ANAPC13: variants seen among roughly 807,000 people sequenced by gnomAD.
ANAPC13 encodes the protein anaphase-promoting complex subunit 13.
In ANAPC13, 9 loss-of-function variants were observed where a neutral mutation model predicts 9.6. That is an observed-to-expected ratio of 0.94 (90% CI 0.57 to 1.64). The LOEUF (loss-of-function observed/expected upper bound fraction) is 1.64. Among genes scored for constraint, ANAPC13 ranks in the 40% most tolerant of loss-of-function variants. ANAPC13 has a pLI of 0.00. For missense variants in ANAPC13, 75 were observed against 85.3 expected (o/e 0.88, Z 0.48); for synonymous variants, 30 against 29.7 (o/e 1.01, Z -0.03).
In ANAPC13 at chr3:134,485,948, T is replaced by A; in HGVS notation, c.-28+4A>T. On this transcript the variant is annotated splice_donor_region_variant and intron_variant, in intron 1 of 2. Coordinates refer to ENST00000354910, the MANE Select transcript of ANAPC13 (RefSeq NM_015391.4). ...CCTAGGCCGGGGGCGCTGGAAACCC[T>A]TACCGGCACCCGGCCACCGCGGCAG... 1.0e-6 allele frequency: 1 copy of A among 982,562 alleles called. No individual in the cohort carries two copies. The highest frequency in any genetic ancestry group is 1.2e-6 in the Non-Finnish European group (1 of 828,206). The allele number at this position is 982,562 out of a possible 1,614,324, so 60.9% of individuals were successfully genotyped here.
chr3:134,484,515 A>G (rs920502961), intron 1 of ANAPC13, among the ~76,000 whole-genome samples: 33 of 152,244 alleles, frequency 2.2e-4, no homozygotes, highest in Admixed American at 2.2e-3. Flanking sequence ...CACCCCCATG[A>G]CAAGGATCTC....
intron 2 of ANAPC13, among the ~76,000 whole-genome samples, 171 bp from the exon 3 acceptor site, chr3:134,478,886 T>C (rs1934670225): frequency 6.6e-6 from 1 of 152,216 alleles, no homozygotes; most frequent in Non-Finnish European, 1.5e-5. Flanking sequence ...GAAGTATCAT[T>C]CAAACATGGC....
In ANAPC13 at chr3:134,478,665, G is replaced by A. The variant is rs1385484660; in HGVS notation, c.150C>T (p.Val50=). The A allele has an allele frequency of 6.2e-7, 1 of 1,614,092 alleles. No individual in the cohort carries two copies. Among genetic ancestry groups the A allele is most frequent in the African/African-American group, 1.3e-5 (1 of 75,042 alleles). Residue 50 remains valine, a synonymous_variant, in exon 3 of 3, where the codon GTC becomes GTT. Coordinates refer to ENST00000354910, the MANE Select transcript of ANAPC13 (RefSeq NM_015391.4). ...EQDNGGTTES[V]KEQEMKWTDL... ...CTGTCCACTTCATTTCTTGTTCTTT[G>A]ACAGATTCTGTGGTGCCACCATTGT...
chr3:134,485,248 A>G (rs1935006528), intron 1 of ANAPC13: 2 of 152,256 alleles, frequency 1.3e-5, no homozygotes, highest in Admixed American at 6.5e-5. Flanking sequence ...TATCTTGTGT[A>G]TTAAAGCCAC....
chr3:134,483,115 T>C (rs1425310581), intron 1 of ANAPC13, 184 bp from the exon 2 acceptor site: 1 of 590,564 alleles, frequency 1.7e-6, no homozygotes, highest in African/African-American at 1.9e-5. Flanking sequence ...ACATATTTTA[T>C]AGTGTATACT....
At chr3:134,485,868 G>A (rs1935095807) in intron 1 of ANAPC13, 84 bp downstream of exon 1, 2 of 471,240 alleles carry the variant, frequency 4.2e-6, no homozygotes, top group Admixed American at 6.4e-5. Context: ...CTCGGCCGAT[G>A]GGAATAGGGG....
rs190969508 is a variant in ANAPC13 at position 134,485,952 on chromosome 3, C to G, written c.-28G>C. On this transcript the variant is annotated splice_region_variant and 5_prime_UTR_variant, in exon 1 of 3. Transcript: ENST00000354910. ...GGCCGGGGGCGCTGGAAACCCTTAC[C>G]GGCACCCGGCCACCGCGGCAGACGC... 1 of 982,136 alleles carries G rather than the reference C, an allele frequency of 1.0e-6. No individual in the cohort carries two copies. Among genetic ancestry groups the G allele is most frequent in the Non-Finnish European group, 1.2e-6 (1 of 827,886 alleles). The allele number at this position is 982,136 out of a possible 1,614,324, so 60.8% of individuals were successfully genotyped here.
At chr3:134,486,007 C>T (rs577710247), upstream of ANAPC13, 85 of 985,218 alleles carry the variant, frequency 8.6e-5, no homozygotes, top group African/African-American at 2.3e-4. Context: ...CCCCCCTCCC[C>T]CGCATCACGT....
chr3:134,483,423 G>C (rs1192326685), intron 1 of ANAPC13, among the ~76,000 whole-genome samples: 1 of 152,162 alleles, frequency 6.6e-6, no homozygotes, highest in East Asian at 1.9e-4. Flanking sequence ...GCTGAGATCT[G>C]AATAAAGCAC....
In ANAPC13 at chr3:134,478,471, A is replaced by C; in HGVS notation, c.*119T>G. 7.6e-7 allele frequency: 1 copy of C among 1,319,856 alleles called. No individual in the cohort carries two copies. The highest frequency in any genetic ancestry group is 1.0e-6 in the Non-Finnish European group (1 of 963,610). The allele number at this position is 1,319,856 out of a possible 1,614,324, so 81.8% of individuals were successfully genotyped here. A position where few individuals can be genotyped will look rare whatever the true frequency, so the allele number is the denominator to read the frequency against. ...ATTGCACTTTGCTACCACAAACTAA[A>C]TGGGTGTACATTTTTGAGTGCTGAT... On this transcript the variant is annotated 3_prime_UTR_variant, in exon 3 of 3. Coordinates refer to ENST00000354910, the MANE Select transcript of ANAPC13 (RefSeq NM_015391.4).
At chr3:134,481,217 C>A (rs540927931) in intron 2 of ANAPC13, among the ~76,000 whole-genome samples, 46 of 152,336 alleles carry the variant, frequency 3.0e-4, no homozygotes, top group African/African-American at 1.1e-3. Flanking sequence ...CTGAGCATAG[C>A]AGTCTTGCTT....
chr3:134,484,702 G>A (rs1336849422), intron 1 of ANAPC13, among the ~76,000 whole-genome samples: 8 of 152,162 alleles, frequency 5.3e-5, no homozygotes, highest in African/African-American at 1.7e-4. Context: ...CCACTTTCCT[G>A]CTGCTACTCC....
intron 2 of ANAPC13, among the ~76,000 whole-genome samples, chr3:134,480,616 C>T (rs1446727473): frequency 6.6e-6 from 1 of 152,194 alleles, no homozygotes; most frequent in African/African-American, 2.4e-5. Context: ...GCTCTTGGAA[C>T]CCTGAGATTG....
chr3:134,481,222 T>C (rs1168960407), intron 2 of ANAPC13, among the ~76,000 whole-genome samples: 1 of 152,254 alleles, frequency 6.6e-6, no homozygotes, highest in African/African-American at 2.4e-5. Flanking sequence ...CATAGCAGTC[T>C]TGCTTTTAAG....
In ANAPC13 at chr3:134,482,805, C is replaced by T; in HGVS notation, c.99+1G>A. 6.2e-7 allele frequency: 1 copy of T among 1,613,520 alleles called. No individual in the cohort carries two copies. The highest frequency in any genetic ancestry group is 1.1e-5 in the South Asian group (1 of 91,068). ...CATCCTCAGCTCAAATCATAACCTA[C>T]CAGTGGTATTGCGACATCCTCATAA... is the stretch of plus-strand genomic sequence containing the variant. On this transcript the variant is annotated splice_donor_variant, in intron 2 of 2. Transcript: ENST00000354910. LOFTEE classifies it high-confidence loss of function.
intron 2 of ANAPC13, among the ~76,000 whole-genome samples, chr3:134,481,363 C>T (rs1863913): frequency 0.63 from 95,899 of 152,044 alleles, 31,027 homozygotes; most frequent in East Asian, 0.81. Context: ...GTGAATGACT[C>T]ACCATGTCCC....
chr3:134,485,998 C>CCCCT (rs1309270212), upstream of ANAPC13: 2 of 981,606 alleles, frequency 2.0e-6, no homozygotes, highest in East Asian at 2.3e-4. Flanking sequence ...CACGCCCCCC[C>CCCCT]CCCCTCCCCC....
chr3:134,478,858 C>T, intron 2 of ANAPC13, 143 bp from the exon 3 acceptor site: 2 of 901,968 alleles, frequency 2.2e-6, no homozygotes, highest in Non-Finnish European at 3.3e-6. Flanking sequence ...TAAAATCATA[C>T]ACGTGAGGAA....
At chr3:134,485,130 TTGA>T (rs1934991917) in intron 1 of ANAPC13, among the ~76,000 whole-genome samples, 1 of 152,204 alleles carries the variant, frequency 6.6e-6, no homozygotes, top group Admixed American at 6.5e-5. Context: ...GCGTCAGCTC[TTGA>T]AGGTCAACAT....
Sources: gnomAD v4.1 joint callset for allele counts (sites outside exome capture counted in the v4.1 genomes callset) on GRCh38, gnomAD v4.1.1 for gene constraint, MANE v1.5 for transcripts, NCBI Gene and HGNC (gene_info 2026-07-23, HGNC 2026-07-21) for gene names.